FHIP2A: variants seen among roughly 807,000 people sequenced by gnomAD.
FHIP2A encodes the protein family with sequence similarity 160 member B1.
FHIP2A carries 46 observed loss-of-function variants against 93.5 expected under a neutral mutation model. The ratio of observed to expected loss-of-function variants is 0.49; its 90% CI spans 0.39 to 0.63. FHIP2A has a LOEUF of 0.63. FHIP2A is among the 20% of genes least tolerant of loss of function. The pLI is 0.00. For missense variants in FHIP2A, 769 were observed against 909.7 expected (o/e 0.85, Z 1.99); for synonymous variants, 332 against 326.5 (o/e 1.02, Z -0.18).
intron 16 of FHIP2A, among the ~76,000 whole-genome samples, chr10:114,883,725 G>A (rs2083928024): frequency 6.6e-6 from 1 of 152,080 alleles, no homozygotes; most frequent in African/African-American, 2.4e-5. Flanking sequence ...GGGACTACAG[G>A]CATGCACCAC....
At chr10:114,864,807 C>A, downstream of FHIP2A, 1 of 494,738 alleles carries the variant, frequency 2.0e-6, no homozygotes, top group Non-Finnish European at 2.6e-6. Context: ...CCCCAGCACA[C>A]AAAGGGATAT....
chr10:114,867,997 G>A (rs114710733), downstream of FHIP2A, among the ~76,000 whole-genome samples: 14,327 of 149,634 alleles, frequency 0.096, 855 homozygotes, highest in East Asian at 0.21. Flanking sequence ...GCTGGAGTGC[G>A]GTGGCACTAT....
intron 16 of FHIP2A, among the ~76,000 whole-genome samples, chr10:114,897,044 A>G (rs2084004718): frequency 6.6e-6 from 1 of 152,250 alleles, no homozygotes; most frequent in South Asian, 2.1e-4. Context: ...CGTAATAAAA[A>G]AAAATCAATG....
At chr10:114,856,141 G>A (rs773871810) in intron 14 of FHIP2A, among the ~76,000 whole-genome samples, 4 of 152,084 alleles carry the variant, frequency 2.6e-5, no homozygotes, top group Non-Finnish European at 4.4e-5. Context: ...ATTTATGTGA[G>A]CATAGGGAGT....
At position 114,822,141 on chromosome 10, in the gene FHIP2A, G is replaced by GGGCGCGCGGTAAGGCCGCGGGCTGC. The variant is rs2143008788; in HGVS notation, c.45+23_45+24insGCGGTAAGGCCGCGGGCTGCGGCGC. 1 of 1,305,118 alleles carries GGGCGCGCGGTAAGGCCGCGGGCTGC rather than the reference G, an allele frequency of 7.7e-7. No individual in the cohort carries two copies. Among genetic ancestry groups the GGGCGCGCGGTAAGGCCGCGGGCTGC allele is most frequent in the East Asian group, 3.4e-5 (1 of 29,830 alleles). The allele number at this position is 1,305,118 out of a possible 1,614,324, so 80.8% of individuals were successfully genotyped here. A position where few individuals can be genotyped will look rare whatever the true frequency, so the allele number is the denominator to read the frequency against. ...TGGAGGCGGTAAGGCCGCGGGCTGCGGGCGCACGGCAGGCCGGGGATGGCG... is the reference window on the plus strand; with the variant it reads ...TGGAGGCGGTAAGGCCGCGGGCTGCGGGCGCGCGGTAAGGCCGCGGGCTGCGGCGCACGGCAGGCCGGGGATGGCG... On this transcript the variant is annotated intron_variant, in intron 1 of 16. Coordinates refer to ENST00000369248, the MANE Select transcript of FHIP2A (RefSeq NM_020940.4).
At chr10:114,837,093 A>G (rs533793323) in intron 5 of FHIP2A, among the ~76,000 whole-genome samples, 1 of 151,956 alleles carries the variant, frequency 6.6e-6, no homozygotes, top group South Asian at 2.1e-4. Context: ...TTGTAGAGAC[A>G]GTGTCTCCCT....
intron 16 of FHIP2A, among the ~76,000 whole-genome samples, chr10:114,871,128 T>A (rs1202306204): frequency 6.9e-6 from 1 of 144,162 alleles, no homozygotes; most frequent in African/African-American, 2.6e-5. Context: ...ATATATATAT[T>A]ATATATATAT....
At chr10:114,843,249 TCC>T in intron 6 of FHIP2A, 23 bp downstream of exon 6, 3 of 1,502,426 alleles carry the variant, frequency 2.0e-6, no homozygotes, top group Non-Finnish European at 1.8e-6. Flanking sequence ...CCTTACTTTT[TCC>T]CCCCTAACAT....
intron 14 of FHIP2A, among the ~76,000 whole-genome samples, chr10:114,855,576 C>T (rs1379068784): frequency 1.3e-5 from 2 of 152,140 alleles, no homozygotes; most frequent in Non-Finnish European, 2.9e-5. Flanking sequence ...TCATGATAGG[C>T]CATTGTCTTA....
chr10:114,863,410 T>C lies in FHIP2A; in HGVS notation c.*1870T>C, dbSNP rs901381684. On this transcript the variant is annotated 3_prime_UTR_variant, in exon 17 of 17. Coordinates refer to ENST00000369248, the MANE Select transcript of FHIP2A (RefSeq NM_020940.4). ...CTCAATAGGTGTAGTAGCAATGATA[T>C]TACCTCTGAAACCAAATACTCTTTT... The C allele has an allele frequency of 1.9e-6, 2 of 1,055,042 alleles. No individual in the cohort carries two copies. Among genetic ancestry groups the C allele is most frequent in the Non-Finnish European group, 2.3e-6 (2 of 870,854 alleles). 65.4% of individuals were successfully genotyped at this position (1,055,042 alleles called of 1,614,324 possible).
intron 1 of FHIP2A, among the ~76,000 whole-genome samples, chr10:114,825,409 G>T (rs2083567401): frequency 6.6e-6 from 1 of 152,090 alleles, no homozygotes; most frequent in Non-Finnish European, 1.5e-5. Flanking sequence ...TTAATTAATG[G>T]TTTCTCCTCA....
chr10:114,832,048 C>T (rs1352513500), intron 2 of FHIP2A, among the ~76,000 whole-genome samples: 1 of 152,008 alleles, frequency 6.6e-6, no homozygotes, highest in Non-Finnish European at 1.5e-5. Context: ...TATAGAAGTA[C>T]AAAGTAAATG....
At chr10:114,831,222 T>C (rs1430838071) in intron 2 of FHIP2A, among the ~76,000 whole-genome samples, 1 of 152,188 alleles carries the variant, frequency 6.6e-6, no homozygotes, top group Non-Finnish European at 1.5e-5. Context: ...AGACAGTATA[T>C]AGACAAATAT....
At chr10:114,835,791 C>T (rs561426024) in intron 4 of FHIP2A, 150 bp downstream of exon 4, 84 of 557,682 alleles carry the variant, frequency 1.5e-4, no homozygotes, top group Non-Finnish European at 2.4e-4. Context: ...TTATGCATCA[C>T]ATAGCATTAA....
intron 16 of FHIP2A, among the ~76,000 whole-genome samples, chr10:114,888,183 G>C (rs2083952550): frequency 6.6e-6 from 1 of 152,182 alleles, no homozygotes; most frequent in South Asian, 2.1e-4. Flanking sequence ...GGTATGAATG[G>C]CTTCTCAAGT....
intron 16 of FHIP2A, among the ~76,000 whole-genome samples, chr10:114,884,846 G>A (rs148212039): frequency 0.014 from 2,125 of 151,628 alleles, 55 homozygotes; most frequent in African/African-American, 0.049. Flanking sequence ...CCTAGGAGGC[G>A]GAGGTTGCAG....
intron 5 of FHIP2A, among the ~76,000 whole-genome samples, chr10:114,836,912 A>T (rs2083639498): frequency 6.6e-6 from 1 of 151,466 alleles, no homozygotes; most frequent in Non-Finnish European, 1.5e-5. Flanking sequence ...TTTTATTTTT[A>T]CTTTTTTGAG....
intron 5 of FHIP2A, among the ~76,000 whole-genome samples, chr10:114,838,399 G>A (rs1319191187): frequency 2.6e-5 from 4 of 152,028 alleles, no homozygotes; most frequent in Admixed American, 6.5e-5. Context: ...TGTGTTGTTC[G>A]TGATGTGCGT....
Position 114,863,437 on chromosome 10 carries a change from T to G in FHIP2A, c.*1897T>G. 9.3e-7 allele frequency: 1 copy of G among 1,078,540 alleles called. No individual in the cohort carries two copies. The allele number at this position is 1,078,540 out of a possible 1,614,324, so 66.8% of individuals were successfully genotyped here. A position where few individuals can be genotyped will look rare whatever the true frequency, so the allele number is the denominator to read the frequency against. On this transcript the variant is annotated 3_prime_UTR_variant, in exon 17 of 17. Coordinates refer to ENST00000369248, the MANE Select transcript of FHIP2A (RefSeq NM_020940.4). ...ACCTCTGAAACCAAATACTCTTTTATCCTTGATTCCACTATGGGACCTTAT... is the reference window on the plus strand; with the variant it reads ...ACCTCTGAAACCAAATACTCTTTTAGCCTTGATTCCACTATGGGACCTTAT...
Sources: allele counts gnomAD v4.1 joint callset (sites outside exome capture counted in the v4.1 genomes callset), GRCh38; gene constraint gnomAD v4.1.1; transcripts MANE v1.5; gene names NCBI Gene and HGNC (gene_info 2026-07-23, HGNC 2026-07-21).